Variants in RUFY3 observed in about 807,000 individuals in gnomAD.
The protein encoded by RUFY3 is RUN and FYVE domain containing 3.
Under a neutral mutation model 84.0 loss-of-function variants are expected in RUFY3, and 34 were observed. That is an observed-to-expected ratio of 0.40 (90% CI 0.31 to 0.54). RUFY3 has a LOEUF of 0.54. Among genes scored for constraint, RUFY3 ranks in the 20% least tolerant of loss-of-function variants. The probability of loss-of-function intolerance (pLI) is 0.39; values close to 1 mark genes in which losing one functional copy is unlikely to be tolerated. For missense variants in RUFY3, 507 were observed against 736.8 expected (o/e 0.69, Z 3.61); for synonymous variants, 242 against 252.9 (o/e 0.96, Z 0.41).
intron 1 of RUFY3, among the ~76,000 whole-genome samples, chr4:70,745,723 C>T (rs1722091457): frequency 6.6e-6 from 1 of 152,124 alleles, no homozygotes; most frequent in Non-Finnish European, 1.5e-5. Flanking sequence ...AGAAACATAT[C>T]TTAAGAGATT....
At chr4:70,718,771 G>A (rs1486546676), upstream of RUFY3, among the ~76,000 whole-genome samples, 1 of 151,574 alleles carries the variant, frequency 6.6e-6, no homozygotes, top group Non-Finnish European at 1.5e-5. Context: ...AGGCTGGAGT[G>A]CAGTGGTGCA....
chr4:70,717,476 TTGTGCAGCA>T (rs1741751623), upstream of RUFY3, among the ~76,000 whole-genome samples: 1 of 152,104 alleles, frequency 6.6e-6, no homozygotes, highest in Non-Finnish European at 1.5e-5. Context: ...AAGGTATGGG[TTGTGCAGCA>T]TTAAGGTGTA....
chr4:70,717,284 T>C (rs528090260), upstream of RUFY3, among the ~76,000 whole-genome samples: 380 of 152,344 alleles, frequency 2.5e-3, no homozygotes, highest in Non-Finnish European at 4.2e-3. Context: ...CCAACTAGTA[T>C]GTAAATGTGG....
chr4:70,713,158 G>T (rs1439015471), intron 1 of RUFY3, among the ~76,000 whole-genome samples: 1 of 152,100 alleles, frequency 6.6e-6, no homozygotes, highest in Non-Finnish European at 1.5e-5. Flanking sequence ...TGAGTAGCAG[G>T]GACTATGGGC....
At chr4:70,730,600 G>A (rs1011076408) in intron 1 of RUFY3, among the ~76,000 whole-genome samples, 7 of 148,972 alleles carry the variant, frequency 4.7e-5, no homozygotes, top group Admixed American at 2.0e-4. Flanking sequence ...TTAGCTGGGC[G>A]TGGTGGCAGG....
At position 70,773,531 on chromosome 4, in the gene RUFY3, A is replaced by G. The variant is rs1230338444; in HGVS notation, c.717A>G (p.Ser239=). Reference sequence around the variant, plus strand: ...TGTAGGTTGGAGTTATAGATTTTTCAATGTATCTCAAGGACGGGAACAGCA... The same window carrying G: ...TGTAGGTTGGAGTTATAGATTTTTCGATGTATCTCAAGGACGGGAACAGCA... The part of the protein sequence containing the change: ...LDSQVGVIDF[S]MYLKDGNSSK... The change falls in exon 6 of 18, where the codon TCA becomes TCG. Residue 239 remains serine (S), a synonymous_variant. Coordinates refer to ENST00000381006, the MANE Select transcript of RUFY3 (RefSeq NM_001037442.4). 6.2e-7 allele frequency: 1 copy of G among 1,611,472 alleles called. No homozygotes were observed. Among genetic ancestry groups the G allele is most frequent in the African/African-American group, 1.3e-5 (1 of 75,008 alleles).
rs193131350 is a variant in RUFY3, at chr4:70,729,370, C to T, written c.178+6619C>T. Among the ~76,000 whole-genome samples, 914 of 152,282 alleles carry T rather than the reference C, an allele frequency of 6.0e-3. 9 individuals carry two copies. The highest frequency in any genetic ancestry group is 0.019 in the African/African-American group (797 of 41,556). The stretch of plus-strand genomic sequence containing the variant: ...CTCCTGAGTTCACACAATTCTCCTG[C>T]CTCAGCCTCCTGAGTAGCTGGGATT... On this transcript the variant is annotated intron_variant, in intron 1 of 17. Coordinates refer to ENST00000381006, the MANE Select transcript of RUFY3 (RefSeq NM_001037442.4).
chr4:70,723,631 G>T (rs981799684), intron 1 of RUFY3, among the ~76,000 whole-genome samples: 6 of 151,902 alleles, frequency 3.9e-5, no homozygotes, highest in Admixed American at 3.9e-4. Flanking sequence ...GCTACAAATC[G>T]TTTTGTTTTT....
At chr4:70,749,575 C>A (rs1722791529) in intron 1 of RUFY3, among the ~76,000 whole-genome samples, 1 of 141,510 alleles carries the variant, frequency 7.1e-6, no homozygotes, top group African/African-American at 2.6e-5. Flanking sequence ...ACACTAGTTT[C>A]TTCTTACCTT....
At chr4:70,741,732 T>C (rs1721351520) in intron 1 of RUFY3, 7 of 1,322,700 alleles carry the variant, frequency 5.3e-6, no homozygotes, top group Non-Finnish European at 7.0e-6. Flanking sequence ...TTTTAAAATT[T>C]TCTAACCACC....
intron 12 of RUFY3, chr4:70,791,724 C>A: frequency 1.0e-6 from 1 of 998,334 alleles, no homozygotes; most frequent in Non-Finnish European, 1.2e-6. Flanking sequence ...TGTGATGAAC[C>A]TAGAGGTAAC....
At chr4:70,745,421 G>A (rs1722042308) in intron 1 of RUFY3, among the ~76,000 whole-genome samples, 1 of 151,942 alleles carries the variant, frequency 6.6e-6, no homozygotes, top group Admixed American at 6.6e-5. Context: ...AACTCACTAG[G>A]GAAATTATGA....
At chr4:70,708,884 A>C (rs1049269709) in intron 1 of RUFY3, among the ~76,000 whole-genome samples, 1 of 152,126 alleles carries the variant, frequency 6.6e-6, no homozygotes, top group Non-Finnish European at 1.5e-5. Context: ...TCTACAAAAA[A>C]AAAATTTTTT....
chr4:70,739,681 C>T (rs1720982774), intron 1 of RUFY3, among the ~76,000 whole-genome samples: 1 of 151,992 alleles, frequency 6.6e-6, no homozygotes, highest in Non-Finnish European at 1.5e-5. Context: ...GATACATAAA[C>T]AAAGGCGAAG....
intron 1 of RUFY3, among the ~76,000 whole-genome samples, chr4:70,754,936 C>T (rs1361792461): frequency 6.7e-6 from 1 of 150,066 alleles, no homozygotes; most frequent in Non-Finnish European, 1.5e-5. Context: ...GGGGGTATCA[C>T]TCTATCTCCC....
intron 14 of RUFY3, chr4:70,799,680 C>G (rs1050135960): frequency 1.3e-5 from 2 of 158,184 alleles, no homozygotes; most frequent in East Asian, 1.9e-4. Context: ...GGCGACAGAG[C>G]GAGACTCTGT....
At chr4:70,718,579 C>T (rs974278724), upstream of RUFY3, among the ~76,000 whole-genome samples, 3 of 152,094 alleles carry the variant, frequency 2.0e-5, no homozygotes, top group Admixed American at 6.5e-5. Flanking sequence ...TAGTTCAATA[C>T]AGCTCATACA....
chr4:70,723,400 A>G (rs990444261), intron 1 of RUFY3, among the ~76,000 whole-genome samples: 26 of 152,246 alleles, frequency 1.7e-4, no homozygotes, highest in African/African-American at 5.8e-4. Context: ...ATAGATTACA[A>G]TAGAATGGTA....
upstream of RUFY3, chr4:70,704,703 T>A: frequency 3.4e-6 from 1 of 296,342 alleles, no homozygotes; most frequent in Non-Finnish European, 6.2e-6. Context: ...AGGCGGCCGG[T>A]AGCGAGGCCG....
Sources: gnomAD v4.1 joint callset for allele counts (sites outside exome capture counted in the v4.1 genomes callset) on GRCh38, gnomAD v4.1.1 for gene constraint, MANE v1.5 for transcripts, NCBI Gene and HGNC (gene_info 2026-07-23, HGNC 2026-07-21) for gene names.